The following GRIK2 variants were observed in gnomAD, a reference collection of about 807,000 sequenced individuals.
GRIK2 encodes the protein glutamate ionotropic receptor kainate type subunit 2.
GRIK2 carries 32 observed loss-of-function variants against 100.3 expected under a neutral mutation model. The ratio of observed to expected loss-of-function variants is 0.32; its 90% CI spans 0.24 to 0.43. GRIK2 has a LOEUF of 0.43. Among genes scored for constraint, GRIK2 ranks in the 20% least tolerant of loss-of-function variants. The pLI is 1.00. For missense variants in GRIK2, 843 were observed against 1,114.9 expected (o/e 0.76, Z 3.47); for synonymous variants, 417 against 389.4 (o/e 1.07, Z -0.83).
chr6:102,035,563 A>C lies in GRIK2; in HGVS notation c.2308A>C (p.Met770Leu), dbSNP rs200557591. The change falls in exon 15 of 17, where the codon ATG (methionine) becomes CTG (leucine). Residue 770 changes from methionine (M) to leucine (L), a missense_variant. Around this residue, in one of 3 missense-constraint regions of GRIK2, gnomAD observed 237 missense variants for 388.0 expected, o/e 0.61. Transcript: ENST00000369134. Reference protein sequence around the residue: ...DSKGYGVGTPMGSPYRDKITI... With the variant: ...DSKGYGVGTPLGSPYRDKITI... ...TAAAGGTTATGGCGTTGGCACTCCC[A>C]TGGGTAGGTTATATGTCAGCTCTTT... 1 of 1,554,690 alleles carries C rather than the reference A, an allele frequency of 6.4e-7. No individual in the cohort carries two copies. The highest frequency in any genetic ancestry group is 1.4e-5 in the African/African-American group (1 of 73,566).
intron 2 of GRIK2, among the ~76,000 whole-genome samples, chr6:101,586,529 C>G (rs1332505837): frequency 6.6e-6 from 1 of 151,870 alleles, no homozygotes; most frequent in African/African-American, 2.4e-5. Context: ...AATTCCCTCT[C>G]AGGATGAGTC....
chr6:101,418,168 T>TA (rs1776239096), intron 2 of GRIK2, among the ~76,000 whole-genome samples: 1 of 152,208 alleles, frequency 6.6e-6, no homozygotes, highest in Admixed American at 6.5e-5. Flanking sequence ...CATGGTGTGT[T>TA]AAGGCTTTTC....
intron 14 of GRIK2, among the ~76,000 whole-genome samples, chr6:101,972,745 GT>G (rs1470046341): frequency 3.3e-5 from 5 of 151,780 alleles, no homozygotes; most frequent in Non-Finnish European, 5.9e-5. Context: ...TAGGAGTATG[GT>G]TTTATTCTTC....
intron 11 of GRIK2, among the ~76,000 whole-genome samples, chr6:101,866,647 G>C (rs1257183167): frequency 1.3e-5 from 2 of 151,988 alleles, no homozygotes; most frequent in Non-Finnish European, 2.9e-5. Flanking sequence ...ATTTAGACTA[G>C]ACTATTAGAG....
chr6:102,050,716 GA>G (rs1771133831), intron 15 of GRIK2, among the ~76,000 whole-genome samples: 1 of 131,250 alleles, frequency 7.6e-6, no homozygotes, highest in African/African-American at 2.8e-5. Flanking sequence ...AAAAGAAAAA[GA>G]AAAAGGAAAG....
intron 10 of GRIK2, among the ~76,000 whole-genome samples, chr6:101,828,942 C>T (rs1782503820): frequency 6.6e-6 from 1 of 151,898 alleles, no homozygotes; most frequent in South Asian, 2.1e-4. Flanking sequence ...ATACCAAAAT[C>T]TGGCAAAGAT....
chr6:101,676,510 A>C, intron 4 of GRIK2, 113 bp from the exon 5 acceptor site: 1 of 640,720 alleles, frequency 1.6e-6, no homozygotes, highest in East Asian at 3.0e-5. Flanking sequence ...AACCACAAAA[A>C]TTAAAATGAA....
At chr6:102,029,345 C>T (rs912358846) in intron 14 of GRIK2, among the ~76,000 whole-genome samples, 3 of 151,274 alleles carry the variant, frequency 2.0e-5, no homozygotes, top group Non-Finnish European at 4.4e-5. Context: ...TTGTTTTCCA[C>T]GTATAATCTT....
rs549398490 is a variant in GRIK2 at position 101,466,740 on chromosome 6, C to T, written c.115+67348C>T. Among the ~76,000 whole-genome samples the T allele has an allele frequency of 2.6e-5, 4 of 152,204 alleles. No individual in the cohort carries two copies. In the East Asian group the frequency reaches 7.7e-4, roughly 29 times the overall value. ...AAGAGGCATCAGCAATTTCAGGCAACCACAAAAGCTCTGATGTATTTTGAA... is the reference window on the plus strand; with the variant it reads ...AAGAGGCATCAGCAATTTCAGGCAATCACAAAAGCTCTGATGTATTTTGAA... On this transcript the variant is annotated intron_variant, in intron 2 of 16. Transcript: ENST00000369134.
intron 7 of GRIK2, among the ~76,000 whole-genome samples, chr6:101,702,935 T>G (rs949622689): frequency 2.0e-5 from 3 of 151,820 alleles, no homozygotes; most frequent in Admixed American, 2.0e-4. Flanking sequence ...TAATTTGTGA[T>G]GAGAAAAATC....
At chr6:101,725,531 G>A (rs187470826) in intron 7 of GRIK2, among the ~76,000 whole-genome samples, 2 of 151,906 alleles carry the variant, frequency 1.3e-5, no homozygotes, top group African/African-American at 4.8e-5. Context: ...CATTGATTTA[G>A]TATTTTTCAC....
At chr6:101,531,295 G>A (rs1775430922) in intron 2 of GRIK2, among the ~76,000 whole-genome samples, 2 of 151,728 alleles carry the variant, frequency 1.3e-5, no homozygotes, top group Non-Finnish European at 2.9e-5. Context: ...TGCTTTTATT[G>A]TTTTCCTCCA....
rs1211185557 is a variant in GRIK2 at position 101,794,902 on chromosome 6, G to C, written c.952-4746G>C. On this transcript the variant is annotated intron_variant, in intron 7 of 16. Coordinates refer to ENST00000369134, the MANE Select transcript of GRIK2 (RefSeq NM_021956.5). ...TTTTTTTGAGACGGAGTCTCACTTT[G>C]TCACCCAGTCTGGAATGCAGTGGCG... Among the ~76,000 whole-genome samples the C allele has an allele frequency of 7.4e-5, 10 of 135,278 alleles. No individual in the cohort carries two copies. In the Admixed American group the frequency reaches 7.9e-4, roughly 11 times the overall value. 88.7% of individuals were successfully genotyped at this position (135,278 alleles called of 152,430 possible). A position where few individuals can be genotyped will look rare whatever the true frequency, so the allele number is the denominator to read the frequency against.
intron 10 of GRIK2, among the ~76,000 whole-genome samples, chr6:101,851,800 A>T (rs1188768814): frequency 1.3e-5 from 2 of 151,398 alleles, no homozygotes; most frequent in Admixed American, 1.3e-4. Context: ...GTCATACAAC[A>T]GGTGTTTAAT....
rs115725528 is a variant in GRIK2, at chr6:101,693,796, A to G, written c.951+7443A>G. ...GCATATATATGTGACTATATCATATATATGTATATGATCATGTACAGATAT... is the reference window on the plus strand; with the variant it reads ...GCATATATATGTGACTATATCATATGTATGTATATGATCATGTACAGATAT... On this transcript the variant is annotated intron_variant, in intron 7 of 16. Coordinates refer to ENST00000369134, the MANE Select transcript of GRIK2 (RefSeq NM_021956.5). Among the ~76,000 whole-genome samples the G allele has an allele frequency of 7.4e-3, 1,124 of 152,192 alleles. 13 individuals are homozygous for G. Among genetic ancestry groups the G allele is most frequent in the African/African-American group, 0.024 (1,015 of 41,518 alleles).
At chr6:101,587,393 T>G (rs1003901925) in intron 2 of GRIK2, among the ~76,000 whole-genome samples, 2 of 151,984 alleles carry the variant, frequency 1.3e-5, no homozygotes, top group South Asian at 4.1e-4. Context: ...TCTGTCCGTC[T>G]GTCTGTCCCT....
At chr6:101,500,388 TTAGAG>T (rs1366042041) in intron 2 of GRIK2, among the ~76,000 whole-genome samples, 2 of 152,090 alleles carry the variant, frequency 1.3e-5, no homozygotes, top group Non-Finnish European at 2.9e-5. Flanking sequence ...TTGCTGAGAC[TTAGAG>T]TAATCTATAG....
At chr6:101,764,684 G>A (rs1392655857) in intron 7 of GRIK2, among the ~76,000 whole-genome samples, 1 of 151,982 alleles carries the variant, frequency 6.6e-6, no homozygotes, top group Admixed American at 6.6e-5. Context: ...GTCTCACCCT[G>A]TTACCCAGGC....
intron 12 of GRIK2, among the ~76,000 whole-genome samples, chr6:101,901,240 A>G (rs1582492073): frequency 6.6e-6 from 1 of 152,064 alleles, no homozygotes; most frequent in East Asian, 1.9e-4. Flanking sequence ...TTTCCTTACT[A>G]TTCTCAATTT....
Sources: gnomAD v4.1 joint callset for allele counts (sites outside exome capture counted in the v4.1 genomes callset) on GRCh38, gnomAD v4.1.1 for gene constraint, gnomAD v4.1.1 regional missense constraint, MANE v1.5 for transcripts, NCBI Gene and HGNC (gene_info 2026-07-23, HGNC 2026-07-21) for gene names.